The following RP1L1 variants were observed in gnomAD, a reference collection of about 807,000 sequenced individuals.
The protein encoded by RP1L1 is RP1 like 1, also known as retinitis pigmentosa 1-like 1 protein.
In RP1L1, 27 loss-of-function variants were observed where a neutral mutation model predicts 15.7. That is an observed-to-expected ratio of 1.72 (90% CI 1.27 to 2.38). RP1L1 has a LOEUF of 2.38. Ranked by LOEUF, RP1L1 falls within the 30% of genes most tolerant of loss-of-function variation. RP1L1 has a pLI of 0.00. For synonymous variants in RP1L1, 1,813 were observed against 1,276.7 expected (o/e 1.42, Z -8.96); for missense variants, 4,798 against 3,075.9 (o/e 1.56, Z -13.24).
intron 1 of RP1L1, among the ~76,000 whole-genome samples, chr8:10,629,270 T>TGCATGGGCAGG (rs1311092221): frequency 2.3e-5 from 3 of 129,826 alleles, no homozygotes; most frequent in Non-Finnish European, 3.2e-5. Context: ...GTCTGGAAAG[T>TGCATGGGCAGG]GCATGGGCAG....
chr8:10,614,888 A>C (rs1377422923), intron 3 of RP1L1, among the ~76,000 whole-genome samples: 1 of 152,188 alleles, frequency 6.6e-6, no homozygotes, highest in Non-Finnish European at 1.5e-5. Flanking sequence ...ACAAACCTGC[A>C]TGTTGTGCAC....
intron 1 of RP1L1, among the ~76,000 whole-genome samples, chr8:10,646,939 T>A (rs1798487981): frequency 1.3e-5 from 2 of 152,204 alleles, no homozygotes; most frequent in South Asian, 4.1e-4. Context: ...CCCCCCTCAG[T>A]TGTCAGCTTC....
chr8:10,636,465 T>C (rs1798331295), intron 1 of RP1L1, among the ~76,000 whole-genome samples: 1 of 152,286 alleles, frequency 6.6e-6, no homozygotes, highest in South Asian at 2.1e-4. Flanking sequence ...CCTGTGGGGC[T>C]GTAGTGGGAT....
In RP1L1 at chr8:10,609,235, C is replaced by T. The variant is rs1314686512; in HGVS notation, c.4863G>A (p.Glu1621=). The T allele has an allele frequency of 6.2e-7, 1 of 1,609,406 alleles. No individual in the cohort carries two copies. Among genetic ancestry groups the T allele is most frequent in the Non-Finnish European group, 8.5e-7 (1 of 1,179,810 alleles). ...RGLRNLSAFS[E]RTLGLGPLSF... is the part of the protein sequence containing the mutation. ...AGAGGGGCCCCAGGCCCAGGGTCCG[C>T]TCAGAGAAGGCCGAGAGGTTTCGCA... Residue 1621 remains glutamate (E), a synonymous_variant, in exon 4 of 4, where the codon GAG becomes GAA. Transcript: ENST00000382483.
rs879253416 is a variant in RP1L1 at position 10,619,341 on chromosome 8, G to T, written c.610-2754C>A. On this transcript the variant is annotated intron_variant, in intron 2 of 3. Transcript: ENST00000382483. ...TTCCTGACTCTTGCCACAAGCAAAA[G>T]GAAGTCAAAGATGCAGAGAGGCATG... 3.3e-5 allele frequency among the ~76,000 whole-genome samples: 5 copies of T among 152,240 alleles called. No homozygotes were observed. The East Asian group carries it at 9.6e-4, about 29-fold the overall frequency.
intron 3 of RP1L1, among the ~76,000 whole-genome samples, chr8:10,615,494 C>T (rs960740070): frequency 1.3e-5 from 2 of 152,138 alleles, no homozygotes; most frequent in African/African-American, 4.8e-5. Context: ...GATGCAACGC[C>T]AGGCACACGG....
rs371377638 is a variant in RP1L1 at position 10,623,167 on chromosome 8, C to T, written c.35G>A (p.Ser12Asn). The T allele has an allele frequency of 2.1e-5, 33 of 1,584,206 alleles. 1 individual carries two copies. The highest frequency in any genetic ancestry group is 1.3e-4 in the South Asian group (11 of 85,224). ...AGAGGGCAGGAAGCACTCACGGTGGCTCGGGGCCTGGGCATTCCTGGGGGT... is the reference window on the plus strand; with the variant it reads ...AGAGGGCAGGAAGCACTCACGGTGGTTCGGGGCCTGGGCATTCCTGGGGGT... ...NSTPRNAQAPSHRECFLPSVA... is the reference protein window; with the variant it reads ...NSTPRNAQAPNHRECFLPSVA... Residue 12 changes from serine (S) to asparagine (N), a missense_variant, in exon 2 of 4, where the codon AGC becomes AAC. Transcript: ENST00000382483.
At chr8:10,615,087 A>C (rs1797943724) in intron 3 of RP1L1, among the ~76,000 whole-genome samples, 1 of 152,112 alleles carries the variant, frequency 6.6e-6, no homozygotes, top group African/African-American at 2.4e-5. Flanking sequence ...ACCAAATGAG[A>C]CTGGACACTC....
chr8:10,608,984 G>C lies in RP1L1; in HGVS notation c.5114C>G (p.Ala1705Gly), dbSNP rs1464888756. 2 of 1,613,112 alleles carry C rather than the reference G, an allele frequency of 1.2e-6. No individual in the cohort carries two copies. Among genetic ancestry groups the C allele is most frequent in the Non-Finnish European group, 1.7e-6 (2 of 1,179,246 alleles). The stretch of plus-strand genomic sequence containing the variant: ...GGTCTTGCCAGGGGCCACCTCTGCT[G>C]CCTCCCCATCAGTGTGTTCTCCCCT... ...RKRGEHTDGEAAEVAPGKTHT... is the reference protein window; with the variant it reads ...RKRGEHTDGEGAEVAPGKTHT... Residue 1705 changes from alanine to glycine, a missense_variant, in exon 4 of 4, where the codon GCA (alanine) becomes GGA (glycine). Physicochemically the swap from Ala to Gly is moderately conservative, Grantham distance 60. Coordinates refer to ENST00000382483, the MANE Select transcript of RP1L1 (RefSeq NM_178857.6).
At chr8:10,637,304 G>C (rs767359822) in intron 1 of RP1L1, among the ~76,000 whole-genome samples, 3 of 152,148 alleles carry the variant, frequency 2.0e-5, no homozygotes, top group African/African-American at 4.8e-5. Flanking sequence ...CAGAGCACAG[G>C]ATTTCCTCCA....
At chr8:10,653,904 G>T (rs906961252) in intron 1 of RP1L1, among the ~76,000 whole-genome samples, 1 of 152,174 alleles carries the variant, frequency 6.6e-6, no homozygotes, top group Non-Finnish European at 1.5e-5. Flanking sequence ...AGGAGTCCTG[G>T]TGCCCTCCCG....
At position 10,607,235 on chromosome 8, in the gene RP1L1, G is replaced by A. The variant is rs1311493056; in HGVS notation, c.6863C>T (p.Pro2288Leu). The part of the protein sequence containing the change: ...TPPPSPGGDT[P>L]HQRPGSQTGP... Reference sequence around the variant, plus strand: ...TGTTTGGGAGCCTGGCCTTTGGTGGGGAGTGTCTCCACCTGGGGAAGGGGG... The same window carrying A: ...TGTTTGGGAGCCTGGCCTTTGGTGGAGAGTGTCTCCACCTGGGGAAGGGGG... Residue 2288 changes from proline (P) to leucine (L), a missense_variant, in exon 4 of 4, where the codon CCC becomes CTC. Transcript: ENST00000382483. 1.2e-6 allele frequency: 2 copies of A among 1,614,146 alleles called. No homozygotes were observed. Among genetic ancestry groups the A allele is most frequent in the Admixed American group, 3.3e-5 (2 of 60,018 alleles).
chr8:10,650,412 G>A (rs1193593668), intron 1 of RP1L1, among the ~76,000 whole-genome samples: 3 of 152,122 alleles, frequency 2.0e-5, no homozygotes, highest in Non-Finnish European at 4.4e-5. Context: ...CATCAGCCAG[G>A]GTGTTAAATG....
chr8:10,646,013 T>A (rs892837384), intron 1 of RP1L1, among the ~76,000 whole-genome samples: 3 of 152,198 alleles, frequency 2.0e-5, no homozygotes, highest in Non-Finnish European at 2.9e-5. Flanking sequence ...ACGGGCAGAC[T>A]GAGCCTCCCG....
Position 10,611,246 on chromosome 8 carries a change from G to A in RP1L1, c.2852C>T (p.Ser951Leu), listed in dbSNP as rs192731232. 2.8e-5 allele frequency: 45 copies of A among 1,613,018 alleles called. No homozygotes were observed. The highest frequency in any genetic ancestry group is 2.0e-4 in the East Asian group (9 of 44,858). The change falls in exon 4 of 4, where the codon TCG (serine) becomes TTG (leucine). Residue 951 changes from serine (S) to leucine (L), a missense_variant. Coordinates refer to ENST00000382483, the MANE Select transcript of RP1L1 (RefSeq NM_178857.6). ...TTCGCGGACCACAGCCTCTGGAGACGAGCGGGGCAGAGAGCTGGGTGACAC... is the reference window on the plus strand; with the variant it reads ...TTCGCGGACCACAGCCTCTGGAGACAAGCGGGGCAGAGAGCTGGGTGACAC... ...SGVSPSSLPRSSPEAVVREWL... is the reference protein window; with the variant it reads ...SGVSPSSLPRLSPEAVVREWL...
Position 10,609,093 on chromosome 8 carries a change from G to A in RP1L1, c.5005C>T (p.Pro1669Ser), listed in dbSNP as rs1425976260. The A allele has an allele frequency of 1.2e-6, 2 of 1,613,638 alleles. No individual in the cohort carries two copies. Among genetic ancestry groups the A allele is most frequent in the Admixed American group, 1.7e-5 (1 of 60,008 alleles). ...CEACVRKKVS[P>S]MSPKATMGAT... Reference sequence around the variant, plus strand: ...CCCATTGTGGCCTTGGGGGACATAGGGCTCACTTTCTTCCTCACGCAGGCC... The same window carrying A: ...CCCATTGTGGCCTTGGGGGACATAGAGCTCACTTTCTTCCTCACGCAGGCC... Residue 1669 changes from proline (P) to serine (S), a missense_variant, in exon 4 of 4, where the codon CCT becomes TCT. Pro to Ser is a moderately conservative substitution (Grantham distance 74). Coordinates refer to ENST00000382483, the MANE Select transcript of RP1L1 (RefSeq NM_178857.6).
intron 1 of RP1L1, among the ~76,000 whole-genome samples, chr8:10,649,192 A>G (rs765969493): frequency 6.6e-6 from 1 of 152,074 alleles, no homozygotes; most frequent in Non-Finnish European, 1.5e-5. Flanking sequence ...CACAGACACA[A>G]CTTTCTTCCA....
intron 1 of RP1L1, among the ~76,000 whole-genome samples, chr8:10,642,638 A>G (rs1199969352): frequency 1.3e-5 from 2 of 152,234 alleles, no homozygotes; most frequent in Non-Finnish European, 2.9e-5. Flanking sequence ...ATACAATCAA[A>G]TCTAATCCTA....
chr8:10,613,249 G>A lies in RP1L1; in HGVS notation c.849C>T (p.Pro283=), dbSNP rs1357182542. The A allele has an allele frequency of 1.2e-6, 2 of 1,611,610 alleles. No individual in the cohort carries two copies. The highest frequency in any genetic ancestry group is 1.7e-6 in the Non-Finnish European group (2 of 1,180,014). Residue 283 remains proline, a synonymous_variant, in exon 4 of 4, where the codon CCC becomes CCT. Transcript: ENST00000382483. ...RLPERPGPSN[P]PVGPAPGRHP... is the part of the protein sequence containing the mutation. The stretch of plus-strand genomic sequence containing the variant: ...GCCTGCCAGGAGCAGGGCCCACCGG[G>A]GGGTTGCTAGGACCAGGCCTTTCTG...
Sources: gnomAD v4.1 joint callset for allele counts (sites outside exome capture counted in the v4.1 genomes callset) on GRCh38, gnomAD v4.1.1 for gene constraint, MANE v1.5 for transcripts, NCBI Gene and HGNC (gene_info 2026-07-23, HGNC 2026-07-21) for gene names.